The following DAB1 variants were observed in gnomAD, a reference collection of about 807,000 sequenced individuals.
The protein encoded by DAB1 is DAB adaptor protein 1, also known as disabled homolog 1.
Under a neutral mutation model 64.6 loss-of-function variants are expected in DAB1, and 15 were observed. The ratio of observed to expected loss-of-function variants is 0.23; its 90% CI spans 0.16 to 0.36. The LOEUF (loss-of-function observed/expected upper bound fraction) is 0.36, where lower values mean the gene tolerates loss of function less well. Ranked by LOEUF, DAB1 falls within the 10% of genes least tolerant of loss-of-function variation. DAB1 has a pLI of 1.00. For synonymous variants in DAB1, 235 were observed against 251.9 expected (o/e 0.93, Z 0.64); for missense variants, 596 against 706.7 (o/e 0.84, Z 1.78).
intron 6 of DAB1, among the ~76,000 whole-genome samples, chr1:57,797,883 G>A (rs1650945417): frequency 6.6e-6 from 1 of 152,128 alleles, no homozygotes; most frequent in East Asian, 1.9e-4. Flanking sequence ...CTATACAAAT[G>A]TTACTTATTG....
At chr1:58,316,375 ATGG>A (rs1192622410) in intron 4 of DAB1, among the ~76,000 whole-genome samples, 1 of 152,208 alleles carries the variant, frequency 6.6e-6, no homozygotes, top group Non-Finnish European at 1.5e-5. Context: ...TAAACAAAAA[ATGG>A]TGGGTTTGAT....
At chr1:57,932,086 G>C (rs1315299779) in intron 5 of DAB1, among the ~76,000 whole-genome samples, 1 of 151,990 alleles carries the variant, frequency 6.6e-6, no homozygotes, top group Non-Finnish European at 1.5e-5. Flanking sequence ...AATTTCTCTT[G>C]AGATTGATTT....
At chr1:57,072,240 A>T (rs747862753) in intron 5 of DAB1, 43 bp downstream of exon 5, 4 of 1,608,588 alleles carry the variant, frequency 2.5e-6, no homozygotes, top group Non-Finnish European at 3.4e-6. Context: ...CTGTCCCCCC[A>T]GAGTTCCAAG....
At position 57,898,143 on chromosome 1, in the gene DAB1, C is replaced by A. The variant is rs187474765; in HGVS notation, n.388-13981G>T. 2.0e-5 allele frequency among the ~76,000 whole-genome samples: 3 copies of A among 152,096 alleles called. No homozygotes were observed. In the South Asian group the frequency reaches 6.2e-4, roughly 32 times the overall value. ...GGTGACATAGGGAGGCTGAGAGTAC[C>A]TTTGGACTCTAACAAACCTGCCTTT... On this transcript the variant is annotated intron_variant and non_coding_transcript_variant, in intron 5 of 20. Coordinates refer to the DAB1 transcript ENST00000485760.
intron 5 of DAB1, among the ~76,000 whole-genome samples, chr1:57,916,652 A>C (rs1160644101): frequency 6.6e-6 from 1 of 152,244 alleles, no homozygotes; most frequent in African/African-American, 2.4e-5. Context: ...AAAAGGGTTA[A>C]GTAGGCCAGG....
upstream of DAB1, among the ~76,000 whole-genome samples, chr1:57,885,267 T>C (rs1177319616): frequency 6.6e-6 from 1 of 152,230 alleles, no homozygotes; most frequent in African/African-American, 2.4e-5. Context: ...TAGGTACTAT[T>C]ATAATTGTCA....
intron 6 of DAB1, among the ~76,000 whole-genome samples, chr1:57,681,507 G>C (rs1002661929): frequency 1.3e-5 from 2 of 152,130 alleles, no homozygotes; most frequent in East Asian, 1.9e-4. Flanking sequence ...TAGGAAAAGT[G>C]AATGGAGTAA....
chr1:57,645,412 G>A (rs1646180735), intron 7 of DAB1, among the ~76,000 whole-genome samples: 1 of 152,134 alleles, frequency 6.6e-6, no homozygotes, highest in African/African-American at 2.4e-5. Context: ...CAGGGATTTA[G>A]CTGCTGTCTG....
Position 57,362,435 on chromosome 1 carries a change from T to G in DAB1, c.-137+61495A>C, listed in dbSNP as rs551480826. Among the ~76,000 whole-genome samples the G allele has an allele frequency of 1.2e-3, 189 of 152,304 alleles. 2 individuals carry two copies. Among genetic ancestry groups the G allele is most frequent in the African/African-American group, 4.3e-3 (180 of 41,568 alleles). On this transcript the variant is annotated intron_variant, in intron 1 of 14. Coordinates refer to ENST00000371236, the MANE Select transcript of DAB1 (RefSeq NM_001365792.1). The stretch of plus-strand genomic sequence containing the variant: ...GTGGCACCAACTACAAAACACCAAT[T>G]TCTTTCATGTTTAACTATAAACTGA...
chr1:57,768,754 G>C (rs1213534313), intron 6 of DAB1, among the ~76,000 whole-genome samples: 1 of 151,796 alleles, frequency 6.6e-6, no homozygotes, highest in Non-Finnish European at 1.5e-5. Flanking sequence ...CACAAGCCCC[G>C]CAGCAGGGTT....
intron 6 of DAB1, among the ~76,000 whole-genome samples, chr1:57,753,653 T>C (rs1037707638): frequency 4.6e-5 from 7 of 152,236 alleles, no homozygotes; most frequent in African/African-American, 1.7e-4. Context: ...TATCCACATT[T>C]CATCCTATTG....
intron 4 of DAB1, among the ~76,000 whole-genome samples, chr1:58,269,785 AT>A (rs1294651831): frequency 1.4e-5 from 1 of 70,582 alleles, no homozygotes; most frequent in Non-Finnish European, 2.9e-5. Flanking sequence ...GATGATGAGC[AT>A]TTTTTCATGT....
intron 6 of DAB1, among the ~76,000 whole-genome samples, chr1:57,703,018 C>G (rs891423095): frequency 6.6e-6 from 1 of 152,116 alleles, no homozygotes; most frequent in African/African-American, 2.4e-5. Context: ...CTCTTCCTTA[C>G]ACCATATACA....
chr1:57,241,336 T>A (rs954746507), intron 2 of DAB1, among the ~76,000 whole-genome samples: 1 of 152,216 alleles, frequency 6.6e-6, no homozygotes, highest in African/African-American at 2.4e-5. Context: ...TGCTATATGC[T>A]GGTATGACCT....
intron 3 of DAB1, chr1:58,480,927 A>G (rs1049045104): frequency 1.2e-6 from 1 of 832,648 alleles, no homozygotes; most frequent in Admixed American, 1.8e-5. Context: ...TAAGGACTGC[A>G]ACATTCTTCA....
Position 57,805,840 on chromosome 1 carries a change from T to A in DAB1, n.551+78159A>T, listed in dbSNP as rs111610403. On this transcript the variant is annotated intron_variant and non_coding_transcript_variant, in intron 6 of 20. Coordinates refer to the DAB1 transcript ENST00000485760. Reference sequence around the variant, plus strand: ...CTCATCTGATTCATCAACTAATCCTTACACCCAGAATCTGACCATTTCTCA... The same window carrying A: ...CTCATCTGATTCATCAACTAATCCTAACACCCAGAATCTGACCATTTCTCA... Among the ~76,000 whole-genome samples, 825 of 152,262 alleles carry A rather than the reference T, an allele frequency of 5.4e-3. 9 individuals carry two copies. The highest frequency in any genetic ancestry group is 0.019 in the African/African-American group (789 of 41,562).
At chr1:57,712,920 C>T (rs545246163) in intron 6 of DAB1, among the ~76,000 whole-genome samples, 7 of 152,258 alleles carry the variant, frequency 4.6e-5, no homozygotes, top group Non-Finnish European at 7.4e-5. Flanking sequence ...AGATAGAGTG[C>T]CACTTGGTTA....
chr1:57,616,949 AG>A (rs1273024221), intron 7 of DAB1, among the ~76,000 whole-genome samples: 1 of 152,276 alleles, frequency 6.6e-6, no homozygotes, highest in East Asian at 1.9e-4. Context: ...GAGGAACCTG[AG>A]GGTACGCAAA....
chr1:58,459,927 G>C (rs1297232645), intron 3 of DAB1, among the ~76,000 whole-genome samples: 4 of 152,202 alleles, frequency 2.6e-5, no homozygotes, highest in Non-Finnish European at 4.4e-5. Context: ...GCAGTGAGCT[G>C]AGATCATGCC....
Sources: allele counts gnomAD v4.1 joint callset (sites outside exome capture counted in the v4.1 genomes callset), GRCh38; gene constraint gnomAD v4.1.1; transcripts MANE v1.5; gene names NCBI Gene and HGNC (gene_info 2026-07-23, HGNC 2026-07-21).